Variants in GCGR observed in about 807,000 individuals in gnomAD.
The protein encoded by GCGR is glucagon receptor.
In GCGR, 41 loss-of-function variants were observed where a neutral mutation model predicts 56.1. The observed-to-expected ratio is 0.73, with a 90% CI of 0.57 to 0.95. GCGR has a LOEUF of 0.95. Ranked by LOEUF, GCGR falls within the 40% of genes least tolerant of loss-of-function variation. The pLI is 0.00. For missense variants in GCGR, 595 were observed against 638.2 expected (o/e 0.93, Z 0.73); for synonymous variants, 278 against 271.1 (o/e 1.03, Z -0.25).
chr17:81,806,764 T>TC lies in GCGR; in HGVS notation c.-177-2072dup, dbSNP rs903784650. On this transcript the variant is annotated intron_variant, in intron 1 of 13. Coordinates refer to ENST00000400723, the MANE Select transcript of GCGR (RefSeq NM_000160.5). This position sits in a 1 kb window ranked among gnomAD's most constrained non-coding sequence, Gnocchi z 6.5. ...CAGGGAGCTCCTGGCTGGGTGGTCC[T>TC]CCCCCCAGGGTGAGCACGCGTCCCC... Among the ~76,000 whole-genome samples, 2 of 144,092 alleles carry TC rather than the reference T, an allele frequency of 1.4e-5. No homozygotes were observed. Among genetic ancestry groups the TC allele is most frequent in the Non-Finnish European group, 3.0e-5 (2 of 66,140 alleles). The allele number at this position is 144,092 out of a possible 152,430, so 94.5% of individuals were successfully genotyped here. A position where few individuals can be genotyped will look rare whatever the true frequency, so the allele number is the denominator to read the frequency against.
At chr17:81,808,392 C>T (rs532460299) in intron 1 of GCGR, among the ~76,000 whole-genome samples, 1 of 152,134 alleles carries the variant, frequency 6.6e-6, no homozygotes, top group African/African-American at 2.4e-5. Flanking sequence ...ATTGGGTCAA[C>T]CTGCAGGAAG....
intron 2 of GCGR, among the ~76,000 whole-genome samples, chr17:81,809,466 CCTGCCT>C (rs2038040111): frequency 8.4e-6 from 1 of 118,440 alleles, no homozygotes; most frequent in African/African-American, 3.3e-5. Context: ...TGTCTGTCTG[CCTGCCT>C]GTCTGCCTGC....
chr17:81,809,124 G>A (rs1286104201), intron 2 of GCGR, 46 bp downstream of exon 2: 1 of 1,523,938 alleles, frequency 6.6e-7, no homozygotes, highest in Non-Finnish European at 8.8e-7. Flanking sequence ...CTCCTGTGAG[G>A]ACTGCACACT....
rs1272915623 is a variant in GCGR, at chr17:81,812,890, A to G, written c.1121A>G (p.Gln374Arg). The stretch of plus-strand genomic sequence containing the variant: ...GCCTTCGTGACGGACGAGCACGCCC[A>G]GGGCACCCTGCGCTCCGCCAAGCTC... Reference protein sequence around the residue: ...VFAFVTDEHAQGTLRSAKLFF... With the variant: ...VFAFVTDEHARGTLRSAKLFF... Residue 374 changes from glutamine to arginine, a missense_variant, in exon 12 of 14, where the codon CAG (glutamine) becomes CGG (arginine). Coordinates refer to ENST00000400723, the MANE Select transcript of GCGR (RefSeq NM_000160.5). The surrounding 1 kb of genome is among the most constrained non-coding windows in gnomAD (Gnocchi z 8.5). 1 of 1,536,102 alleles carries G rather than the reference A, an allele frequency of 6.5e-7. No homozygotes were observed. The highest frequency in any genetic ancestry group is 8.7e-7 in the Non-Finnish European group (1 of 1,146,758).
Position 81,813,293 on chromosome 17 carries a change from G to A in GCGR, c.1219-181G>A, listed in dbSNP as rs999409204. The stretch of plus-strand genomic sequence containing the variant: ...GTGTCCACCGTGGGGGTCCCCAGGT[G>A]TCTGCAGACTGCTTTCCGTGGCGAT... On this transcript the variant is annotated intron_variant, in intron 13 of 13. Transcript: ENST00000400723. This position sits in a 1 kb window ranked among gnomAD's most constrained non-coding sequence, Gnocchi z 5.3. Among the ~76,000 whole-genome samples the A allele has an allele frequency of 3.3e-5, 5 of 152,178 alleles. No homozygotes were observed. Among genetic ancestry groups the A allele is most frequent in the Non-Finnish European group, 7.4e-5 (5 of 68,008 alleles).
Position 81,813,376 on chromosome 17 carries a change from C to T in GCGR, c.1219-98C>T, listed in dbSNP as rs562624257. On this transcript the variant is annotated intron_variant, in intron 13 of 13. Coordinates refer to ENST00000400723, the MANE Select transcript of GCGR (RefSeq NM_000160.5). The surrounding 1 kb of genome is among the most constrained non-coding windows in gnomAD (Gnocchi z 5.3). ...TTGTGTCGCTCTGCACCCCTCAGAG[C>T]GGAGACTGGGCATCTCCGATGAGGC... 129 of 1,177,268 alleles carry T rather than the reference C, an allele frequency of 1.1e-4. No individual in the cohort carries two copies. Among genetic ancestry groups the T allele is most frequent in the African/African-American group, 4.3e-4 (28 of 65,666 alleles). 72.9% of individuals were successfully genotyped at this position (1,177,268 alleles called of 1,614,324 possible). A position where few individuals can be genotyped will look rare whatever the true frequency, so the allele number is the denominator to read the frequency against.
At position 81,810,039 on chromosome 17, in the gene GCGR, G is replaced by C; in HGVS notation, c.163+155G>C. ...GGCCCCCACCACCGTGGGCAGGTGAGGTAACGAGGTAACTGAGCCACAGAG... is the reference window on the plus strand; with the variant it reads ...GGCCCCCACCACCGTGGGCAGGTGACGTAACGAGGTAACTGAGCCACAGAG... On this transcript the variant is annotated intron_variant, in intron 3 of 13. Coordinates refer to ENST00000400723, the MANE Select transcript of GCGR (RefSeq NM_000160.5). The surrounding 1 kb of genome is among the most constrained non-coding windows in gnomAD (Gnocchi z 4.6). 1.4e-6 allele frequency: 1 copy of C among 693,724 alleles called. No homozygotes were observed. Among genetic ancestry groups the C allele is most frequent in the Non-Finnish European group, 2.6e-6 (1 of 381,428 alleles). 43.0% of individuals were successfully genotyped at this position (693,724 alleles called of 1,614,324 possible).
Position 81,804,309 on chromosome 17 carries a change from G to T in GCGR, c.-178+60G>T. ...GGGGAGTCGACCCGGTGGGGACAGA[G>T]ACCGCGGGGCGGGCGCGGCGGGGCC... On this transcript the variant is annotated intron_variant, in intron 1 of 13. Coordinates refer to ENST00000400723, the MANE Select transcript of GCGR (RefSeq NM_000160.5). The surrounding 1 kb of genome is among the most constrained non-coding windows in gnomAD (Gnocchi z 8.2). 2 of 152,350 alleles carry T rather than the reference G, an allele frequency of 1.3e-5. No individual in the cohort carries two copies. Among genetic ancestry groups the T allele is most frequent in the South Asian group, 3.6e-4 (2 of 5,514 alleles). 9.4% of individuals were successfully genotyped at this position (152,350 alleles called of 1,614,324 possible).
At chr17:81,809,299 T>TCTGTCTGC (rs1389692097) in intron 2 of GCGR, among the ~76,000 whole-genome samples, 6 of 123,364 alleles carry the variant, frequency 4.9e-5, no homozygotes, top group African/African-American at 1.9e-4. Context: ...CGTCTGCCTG[T>TCTGTCTGC]CTGTCTGCCT....
Position 81,813,771 on chromosome 17 carries a change from AG to A in GCGR, c.*84del. 1 of 1,369,964 alleles carries A rather than the reference AG, an allele frequency of 7.3e-7. No individual in the cohort carries two copies. Among genetic ancestry groups the A allele is most frequent in the Non-Finnish European group, 9.8e-7 (1 of 1,017,542 alleles). The allele number at this position is 1,369,964 out of a possible 1,614,324, so 84.9% of individuals were successfully genotyped here. A position where few individuals can be genotyped will look rare whatever the true frequency, so the allele number is the denominator to read the frequency against. Reference sequence around the variant, plus strand: ...CAACCCAGAACTGGACGCCCAGCTGAGGCTGGGGGCGGGGGAGCCAACAGCA... The same window carrying A: ...CAACCCAGAACTGGACGCCCAGCTGAGCTGGGGGCGGGGGAGCCAACAGCA... On this transcript the variant is annotated 3_prime_UTR_variant, in exon 14 of 14. Coordinates refer to ENST00000400723, the MANE Select transcript of GCGR (RefSeq NM_000160.5). The surrounding 1 kb of genome is among the most constrained non-coding windows in gnomAD (Gnocchi z 5.3).
In GCGR at chr17:81,811,039, G is replaced by A. The variant is rs373865736; in HGVS notation, c.301G>A (p.Gly101Arg). The change falls in exon 5 of 14, where the codon GGG (glycine) becomes AGG (arginine). Residue 101 changes from glycine (G) to arginine (R), a missense_variant. Gly to Arg is a moderately radical substitution (Grantham distance 125). Transcript: ENST00000400723. The surrounding 1 kb of genome is among the most constrained non-coding windows in gnomAD (Gnocchi z 5.8). Reference protein sequence around the residue: ...VQHRFVFKRCGPDGQWVRGPR... With the variant: ...VQHRFVFKRCRPDGQWVRGPR... ...ACACCGCTTCGTGTTCAAGAGATGCGGGCCCGACGGTCAGTGGGTGCGTGG... is the reference window on the plus strand; with the variant it reads ...ACACCGCTTCGTGTTCAAGAGATGCAGGCCCGACGGTCAGTGGGTGCGTGG... 56 of 1,536,058 alleles carry A rather than the reference G, an allele frequency of 3.6e-5. No individual in the cohort carries two copies. The highest frequency in any genetic ancestry group is 4.4e-5 in the Non-Finnish European group (50 of 1,146,872).
Position 81,811,844 on chromosome 17 carries a change from G to A in GCGR, c.817+34G>A. The A allele has an allele frequency of 6.5e-7, 1 of 1,537,052 alleles. No homozygotes were observed. ...GCTGGCATGAGAGGGGGTTAAGGCA[G>A]GCTGACCAAGCCTTTGGGACCACAG... On this transcript the variant is annotated intron_variant, in intron 8 of 13. Coordinates refer to ENST00000400723, the MANE Select transcript of GCGR (RefSeq NM_000160.5). The surrounding 1 kb of genome is among the most constrained non-coding windows in gnomAD (Gnocchi z 5.8).
In GCGR at chr17:81,809,064, C is replaced by T. The variant is rs2038019526; in HGVS notation, c.46C>T (p.Leu16=). The change falls in exon 2 of 14, where the codon CTG becomes TTG. Residue 16 remains leucine, a synonymous_variant. Coordinates refer to ENST00000400723, the MANE Select transcript of GCGR (RefSeq NM_000160.5). ...PQRPLLLLLL[L]LACQPQVPSA... ...GCGACCCCTGCTGCTGTTGCTGCTG[C>T]TGCTGGCCTGCCAGGTGAGGACTCA... 1 of 1,536,086 alleles carries T rather than the reference C, an allele frequency of 6.5e-7. No homozygotes were observed. The highest frequency in any genetic ancestry group is 8.7e-7 in the Non-Finnish European group (1 of 1,146,850).
chr17:81,813,647 CT>C lies in GCGR; in HGVS notation c.1394del (p.Leu465TrpfsTer21). On this transcript the variant is annotated frameshift_variant, in exon 14 of 14. Coordinates refer to ENST00000400723, the MANE Select transcript of GCGR (RefSeq NM_000160.5). LOFTEE classifies it low-confidence loss of function (END_TRUNC). This position sits in a 1 kb window ranked among gnomAD's most constrained non-coding sequence, Gnocchi z 5.3. ...GCCAGGATTCATCTGCGGAGACCCCCTTGGCTGGTGGCCTCCCTAGATTGGC... is the reference window on the plus strand; with the variant it reads ...GCCAGGATTCATCTGCGGAGACCCCCTGGCTGGTGGCCTCCCTAGATTGGC... ...GSQDSSAETPLAGGLPRLAES... is the reference protein window; with the variant it reads ...GSQDSSAETPXAGGLPRLAES... The C allele has an allele frequency of 6.5e-7, 1 of 1,536,158 alleles. No homozygotes were observed. The highest frequency in any genetic ancestry group is 8.7e-7 in the Non-Finnish European group (1 of 1,146,778).
chr17:81,811,057 G>C lies in GCGR; in HGVS notation c.319G>C (p.Val107Leu), dbSNP rs958325026. The stretch of plus-strand genomic sequence containing the variant: ...GAGATGCGGGCCCGACGGTCAGTGG[G>C]TGCGTGGACCCCGGGGGCAGCCTTG... Reference protein sequence around the residue: ...FKRCGPDGQWVRGPRGQPWRD... With the variant: ...FKRCGPDGQWLRGPRGQPWRD... Residue 107 changes from valine to leucine, a missense_variant, in exon 5 of 14, where the codon GTG becomes CTG. Transcript: ENST00000400723. The surrounding 1 kb of genome is among the most constrained non-coding windows in gnomAD (Gnocchi z 5.8). The C allele has an allele frequency of 1.3e-6, 2 of 1,536,098 alleles. No homozygotes were observed. Among genetic ancestry groups the C allele is most frequent in the Non-Finnish European group, 1.7e-6 (2 of 1,146,854 alleles).
chr17:81,810,350 G>A lies in GCGR; in HGVS notation c.163+466G>A, dbSNP rs1598236668. The A allele has an allele frequency of 2.1e-5, 7 of 327,208 alleles. No individual in the cohort carries two copies. The East Asian group carries it at 5.5e-4, about 26-fold the overall frequency. The allele number at this position is 327,208 out of a possible 1,614,324, so 20.3% of individuals were successfully genotyped here. On this transcript the variant is annotated intron_variant, in intron 3 of 13. Coordinates refer to ENST00000400723, the MANE Select transcript of GCGR (RefSeq NM_000160.5). The surrounding 1 kb of genome is among the most constrained non-coding windows in gnomAD (Gnocchi z 4.6). Reference sequence around the variant, plus strand: ...TGCCTGGGTTCGGATGAGGGAGGCAGCCACCACTGGGCAGAGGGGGGCAGG... The same window carrying A: ...TGCCTGGGTTCGGATGAGGGAGGCAACCACCACTGGGCAGAGGGGGGCAGG...
Position 81,812,001 on chromosome 17 carries a change from G to A in GCGR, c.878+55G>A, listed in dbSNP as rs1014424871. The A allele has an allele frequency of 3.5e-4, 535 of 1,533,086 alleles. No homozygotes were observed. The highest frequency in any genetic ancestry group is 1.0e-3 in the Middle Eastern group (6 of 5,754). The allele number at this position is 1,533,086 out of a possible 1,614,324, so 95.0% of individuals were successfully genotyped here. A position where few individuals can be genotyped will look rare whatever the true frequency, so the allele number is the denominator to read the frequency against. ...AGGGACCGGGGGGCTGGGGTGCGGC[G>A]CTCTGGCCTGAGGCAGGGAGGGGCC... On this transcript the variant is annotated intron_variant, in intron 9 of 13. Transcript: ENST00000400723. This position sits in a 1 kb window ranked among gnomAD's most constrained non-coding sequence, Gnocchi z 8.5.
At position 81,812,726 on chromosome 17, in the gene GCGR, G is replaced by A; in HGVS notation, c.1037+61G>A. On this transcript the variant is annotated intron_variant, in intron 11 of 13. Transcript: ENST00000400723. The surrounding 1 kb of genome is among the most constrained non-coding windows in gnomAD (Gnocchi z 8.5). ...AGACCCTCAGGGCCAGAGGGCAGCT[G>A]GGGGTGGGGACTCCAAGCTCCACGT... The A allele has an allele frequency of 1.3e-6, 2 of 1,529,892 alleles. No individual in the cohort carries two copies. Among genetic ancestry groups the A allele is most frequent in the East Asian group, 4.9e-5 (2 of 40,730 alleles). 94.8% of individuals were successfully genotyped at this position (1,529,892 alleles called of 1,614,324 possible).
In GCGR at chr17:81,810,609, G is replaced by A. The variant is rs553387511; in HGVS notation, c.164-216G>A. Among the ~76,000 whole-genome samples the A allele has an allele frequency of 4.9e-4, 75 of 152,166 alleles. No individual in the cohort carries two copies. The highest frequency in any genetic ancestry group is 9.0e-4 in the Non-Finnish European group (61 of 67,946). On this transcript the variant is annotated intron_variant, in intron 3 of 13. Transcript: ENST00000400723. This position sits in a 1 kb window ranked among gnomAD's most constrained non-coding sequence, Gnocchi z 4.6. The stretch of plus-strand genomic sequence containing the variant: ...TCAGGGCTGGGCTGGGCGTGCTAGC[G>A]GAGGCTGGTCCAGGGGAGGTGGATG...
Sources: allele counts gnomAD v4.1 joint callset (sites outside exome capture counted in the v4.1 genomes callset), GRCh38; gene constraint gnomAD v4.1.1; non-coding constraint Gnocchi (gnomAD v3.1); transcripts MANE v1.5; gene names NCBI Gene and HGNC (gene_info 2026-07-23, HGNC 2026-07-21).